The following KDM4C variants were observed in gnomAD, a reference collection of about 807,000 sequenced individuals.
KDM4C encodes lysine-specific demethylase 4C.
Under a neutral mutation model 129.3 loss-of-function variants are expected in KDM4C, and 81 were observed. The observed-to-expected ratio is 0.63, with a 90% CI of 0.52 to 0.75. The LOEUF is 0.75. KDM4C is among the 30% of genes least tolerant of loss of function. The probability of loss-of-function intolerance (pLI) is 0.00; values close to 1 mark genes in which losing one functional copy is unlikely to be tolerated. For missense variants in KDM4C, 1,457 were observed against 1,304.0 expected (o/e 1.12, Z -1.81); for synonymous variants, 573 against 456.1 (o/e 1.26, Z -3.26).
intron 17 of KDM4C, among the ~76,000 whole-genome samples, chr9:7,090,815 T>C (rs1587579528): frequency 6.6e-6 from 1 of 152,250 alleles, no homozygotes; most frequent in Admixed American, 6.5e-5. Context: ...ATATGTCCAG[T>C]GTGTCCAGCT....
At chr9:6,848,145 C>T (rs1307060309) in intron 4 of KDM4C, among the ~76,000 whole-genome samples, 4 of 152,022 alleles carry the variant, frequency 2.6e-5, no homozygotes, top group Admixed American at 6.5e-5. Flanking sequence ...CTGCTTTCCT[C>T]AGCCTCCCAA....
chr9:6,776,193 T>C (rs1275740998), intron 1 of KDM4C, among the ~76,000 whole-genome samples: 1 of 152,216 alleles, frequency 6.6e-6, no homozygotes, highest in African/African-American at 2.4e-5. Flanking sequence ...CTGGGTATTC[T>C]CCTGCCTCAG....
chr9:6,748,789 G>C (rs1442561303), intron 1 of KDM4C: 2 of 1,376,710 alleles, frequency 1.5e-6, no homozygotes, highest in Admixed American at 1.7e-5. Flanking sequence ...GTTTTCGAAT[G>C]AATCTCTTCT....
intron 21 of KDM4C, chr9:7,170,706 AT>A (rs1232181495): frequency 3.1e-6 from 3 of 976,954 alleles, no homozygotes; most frequent in South Asian, 4.7e-5. Flanking sequence ...CTAAAATGAA[AT>A]TTTTTTTCTG....
intron 17 of KDM4C, among the ~76,000 whole-genome samples, chr9:7,090,462 C>T (rs963898716): frequency 6.6e-6 from 1 of 152,034 alleles, no homozygotes; most frequent in Non-Finnish European, 1.5e-5. Flanking sequence ...TTTCTTTGCA[C>T]TTTTTCCTCT....
rs1040779475 is a variant in KDM4C at position 7,148,018 on chromosome 9, G to A, written c.2782-17220G>A. 3.3e-5 allele frequency among the ~76,000 whole-genome samples: 5 copies of A among 152,256 alleles called. No homozygotes were observed. The East Asian group carries it at 9.6e-4, about 29-fold the overall frequency. On this transcript the variant is annotated intron_variant, in intron 19 of 21. Transcript: ENST00000381309. Reference sequence around the variant, plus strand: ...GCCAGGCTTGGAGCGGCGAGGTTGTGTGTGAGCACAGGGCCAGGCCACTGC... The same window carrying A: ...GCCAGGCTTGGAGCGGCGAGGTTGTATGTGAGCACAGGGCCAGGCCACTGC...
At chr9:6,873,517 T>TA (rs1843086682) in intron 5 of KDM4C, among the ~76,000 whole-genome samples, 1 of 152,240 alleles carries the variant, frequency 6.6e-6, no homozygotes, top group South Asian at 2.1e-4. Flanking sequence ...ACTTCTCTCT[T>TA]ATGGATACAA....
rs565986588 is a variant in KDM4C at position 6,880,072 on chromosome 9, C to T, written c.679+11C>T. On this transcript the variant is annotated intron_variant, in intron 6 of 21. Transcript: ENST00000381309. ...AAAGACTAGCTCAAGGTAAAACTTGCTTTTTAAATTTGTTTTCTGTGTTTT... is the reference window on the plus strand; with the variant it reads ...AAAGACTAGCTCAAGGTAAAACTTGTTTTTTAAATTTGTTTTCTGTGTTTT... 6.3e-7 allele frequency: 1 copy of T among 1,580,472 alleles called. No homozygotes were observed. The highest frequency in any genetic ancestry group is 1.3e-5 in the African/African-American group (1 of 74,090).
At chr9:6,865,168 CT>C in intron 5 of KDM4C, among the ~76,000 whole-genome samples, 1 of 151,952 alleles carries the variant, frequency 6.6e-6, no homozygotes, top group East Asian at 1.9e-4. Flanking sequence ...GCCACCACAC[CT>C]GGCTAATTTT....
intron 8 of KDM4C, among the ~76,000 whole-genome samples, chr9:6,950,696 C>T (rs767153812): frequency 1.3e-5 from 2 of 152,190 alleles, no homozygotes; most frequent in Admixed American, 6.5e-5. Flanking sequence ...TTTATTGTAG[C>T]TGCTTATTAT....
intron 13 of KDM4C, 124 bp downstream of exon 13, chr9:7,012,003 G>T: frequency 2.8e-6 from 2 of 707,602 alleles, no homozygotes; most frequent in Non-Finnish European, 4.7e-6. Flanking sequence ...TCCTTAGGTA[G>T]CTGATGGCTT....
intron 17 of KDM4C, among the ~76,000 whole-genome samples, chr9:7,063,491 A>T (rs1428396267): frequency 6.6e-6 from 1 of 152,198 alleles, no homozygotes; most frequent in African/African-American, 2.4e-5. Context: ...AGGGAGCAGA[A>T]TTCCTGGTGG....
At chr9:6,806,410 C>A (rs547596039) in intron 3 of KDM4C, among the ~76,000 whole-genome samples, 48 of 152,146 alleles carry the variant, frequency 3.2e-4, no homozygotes, top group African/African-American at 1.1e-3. Flanking sequence ...AGGAGAATTG[C>A]TTGAACCTGG....
At chr9:6,936,198 C>T (rs1824748421) in intron 8 of KDM4C, among the ~76,000 whole-genome samples, 1 of 152,112 alleles carries the variant, frequency 6.6e-6, no homozygotes, top group Non-Finnish European at 1.5e-5. Context: ...CTTGTGATTT[C>T]AGGATATCCA....
chr9:7,161,338 C>A (rs186781564), intron 19 of KDM4C, among the ~76,000 whole-genome samples: 122 of 152,310 alleles, frequency 8.0e-4, no homozygotes, highest in African/African-American at 2.8e-3. Flanking sequence ...GGGCTGCACC[C>A]ACTGTCCAAC....
chr9:6,831,784 A>G (rs895674825), intron 4 of KDM4C, among the ~76,000 whole-genome samples: 2 of 152,180 alleles, frequency 1.3e-5, no homozygotes, highest in African/African-American at 4.8e-5. Context: ...TCAAAGCTCT[A>G]TTCTGGAAGC....
At chr9:7,068,717 A>G (rs1021488370) in intron 17 of KDM4C, among the ~76,000 whole-genome samples, 2 of 100,276 alleles carry the variant, frequency 2.0e-5, no homozygotes, top group Non-Finnish European at 1.9e-5. Flanking sequence ...TTTTTTTGAA[A>G]CAGAATTTTG....
At chr9:7,125,099 A>G (rs1024413867) in intron 18 of KDM4C, among the ~76,000 whole-genome samples, 4 of 152,100 alleles carry the variant, frequency 2.6e-5, no homozygotes, top group African/African-American at 4.8e-5. Flanking sequence ...CTAGGATGGC[A>G]TAAGAACTGT....
chr9:6,846,908 T>C (rs909227664), intron 4 of KDM4C, among the ~76,000 whole-genome samples: 2 of 152,174 alleles, frequency 1.3e-5, no homozygotes, highest in Non-Finnish European at 2.9e-5. Flanking sequence ...ACAAGAACCC[T>C]TGTGTTTCCA....
Sources: allele counts gnomAD v4.1 joint callset (sites outside exome capture counted in the v4.1 genomes callset), GRCh38; gene constraint gnomAD v4.1.1; transcripts MANE v1.5; gene names NCBI Gene and HGNC (gene_info 2026-07-23, HGNC 2026-07-21).